Variants in ADGRB1 observed in about 807,000 individuals in gnomAD.
The protein encoded by ADGRB1 is adhesion G protein-coupled receptor B1.
Under a neutral mutation model 175.7 loss-of-function variants are expected in ADGRB1, and 36 were observed. That is an observed-to-expected ratio of 0.20 (90% CI 0.16 to 0.27). ADGRB1 has a LOEUF of 0.27. Ranked by LOEUF, ADGRB1 falls within the 10% of genes least tolerant of loss-of-function variation. The pLI is 1.00. For synonymous variants in ADGRB1, 1,054 were observed against 979.4 expected (o/e 1.08, Z -1.42); for missense variants, 1,731 against 2,255.3 (o/e 0.77, Z 4.71).
At chr8:142,477,068 C>T (rs1161001344) in intron 4 of ADGRB1, 46 bp from the exon 5 acceptor site, 2 of 1,475,896 alleles carry the variant, frequency 1.4e-6, no homozygotes, top group African/African-American at 1.4e-5. Context: ...GGTCTGACTG[C>T]AGCCCCATGG....
chr8:142,484,973 G>A (rs920536265), intron 13 of ADGRB1, among the ~76,000 whole-genome samples: 1 of 152,208 alleles, frequency 6.6e-6, no homozygotes, highest in East Asian at 1.9e-4. Flanking sequence ...AGCCCACGGG[G>A]TGTGGACCTG....
At chr8:142,528,286 G>A (rs1844341814) in intron 24 of ADGRB1, among the ~76,000 whole-genome samples, 1 of 152,168 alleles carries the variant, frequency 6.6e-6, no homozygotes, top group South Asian at 2.1e-4. Context: ...CGGAGGCAGG[G>A]TCCACCCTCA....
At chr8:142,516,435 G>A (rs376621817) in intron 18 of ADGRB1, among the ~76,000 whole-genome samples, 29 of 144,664 alleles carry the variant, frequency 2.0e-4, no homozygotes, top group East Asian at 1.7e-3. Flanking sequence ...GCGTGTGTGC[G>A]GGCCCCAGGT....
intron 3 of ADGRB1, 28 bp from the exon 4 acceptor site, chr8:142,476,557 C>G (rs1304163479): frequency 5.8e-6 from 9 of 1,540,708 alleles, no homozygotes; most frequent in Middle Eastern, 1.9e-4. Context: ...AAGAACCGCT[C>G]CTGTGCTGAC....
intron 16 of ADGRB1, among the ~76,000 whole-genome samples, chr8:142,489,864 C>T (rs1047092257): frequency 3.3e-5 from 5 of 152,334 alleles, no homozygotes; most frequent in East Asian, 1.9e-4. Context: ...GATTTCAGCA[C>T]GGGAGCGTCC....
chr8:142,467,114 C>T (rs764966079), intron 2 of ADGRB1, among the ~76,000 whole-genome samples: 66 of 152,184 alleles, frequency 4.3e-4, no homozygotes, highest in Non-Finnish European at 8.2e-4. Context: ...ACGTGGGTGT[C>T]GGAGGGAGCG....
intron 25 of ADGRB1, among the ~76,000 whole-genome samples, chr8:142,534,345 T>C (rs114033150): frequency 0.011 from 1,644 of 152,288 alleles, 21 homozygotes; most frequent in African/African-American, 0.037. Context: ...AGGGCTGCCC[T>C]CTTGGCCTCC....
At chr8:142,500,761 G>A (rs1346161019) in intron 17 of ADGRB1, among the ~76,000 whole-genome samples, 1 of 152,150 alleles carries the variant, frequency 6.6e-6, no homozygotes, top group Non-Finnish European at 1.5e-5. Flanking sequence ...AAGGAGGGCA[G>A]AGTGGCCCTG....
Position 142,466,600 on chromosome 8 carries a change from G to A in ADGRB1, c.784+1618G>A, listed in dbSNP as rs534885180. On this transcript the variant is annotated intron_variant, in intron 2 of 30. Coordinates refer to ENST00000517894, the MANE Select transcript of ADGRB1 (RefSeq NM_001702.3). ...GCTGCGTCAGGTGCCGCCAGCGGCT[G>A]GGTGGGAGGGGCTGAGGACCAAGCC... 1.1e-4 allele frequency among the ~76,000 whole-genome samples: 17 copies of A among 152,352 alleles called. No individual in the cohort carries two copies. In the South Asian group the frequency reaches 3.5e-3, roughly 32 times the overall value.
intron 1 of ADGRB1, among the ~76,000 whole-genome samples, chr8:142,451,565 T>G (rs1554600853): frequency 6.6e-6 from 1 of 151,980 alleles, no homozygotes; most frequent in Non-Finnish European, 1.5e-5. Flanking sequence ...AGGAGCCGCT[T>G]GTCGTTTGTG....
chr8:142,543,068 T>C lies in ADGRB1; in HGVS notation c.4414-335T>C, dbSNP rs1845378020. Reference sequence around the variant, plus strand: ...GGATATGCTCCCACCATATCCTGGCTCCTGGCCTCTGGTGATGCTGCCCTG... The same window carrying C: ...GGATATGCTCCCACCATATCCTGGCCCCTGGCCTCTGGTGATGCTGCCCTG... On this transcript the variant is annotated intron_variant, in intron 28 of 30. Coordinates refer to ENST00000517894, the MANE Select transcript of ADGRB1 (RefSeq NM_001702.3). The surrounding 1 kb of genome is among the most constrained non-coding windows in gnomAD (Gnocchi z 4.4). Among the ~76,000 whole-genome samples, 1 of 152,178 alleles carries C rather than the reference T, an allele frequency of 6.6e-6. No homozygotes were observed. Among genetic ancestry groups the C allele is most frequent in the Non-Finnish European group, 1.5e-5 (1 of 68,016 alleles).
At chr8:142,517,808 G>A (rs959365170) in intron 18 of ADGRB1, among the ~76,000 whole-genome samples, 64 of 152,216 alleles carry the variant, frequency 4.2e-4, no homozygotes, top group African/African-American at 1.5e-3. Context: ...CCCGTCTGCA[G>A]TGTGGGGCTG....
chr8:142,533,965 G>A (rs532719130), intron 25 of ADGRB1, among the ~76,000 whole-genome samples: 1 of 152,302 alleles, frequency 6.6e-6, no homozygotes, highest in South Asian at 2.1e-4. Context: ...CGACCTGGGT[G>A]GCGTAGGACA....
At position 142,477,441 on chromosome 8, in the gene ADGRB1, C is replaced by T. The variant is rs2131798666; in HGVS notation, c.1279C>T (p.Arg427Cys). The change falls in exon 6 of 31, where the codon CGT (arginine) becomes TGT (cysteine). Residue 427 changes from arginine (R) to cysteine (C), a missense_variant. Arg to Cys is a radical substitution (Grantham distance 180). Transcript: ENST00000517894. ...GAGCCTCTGCTCCAGCACCTGTGGC[C>T]GTGGCTTTCGGGATCGCACGCGCAC... ...PWSLCSSTCG[R>C]GFRDRTRTCR... 6.2e-7 allele frequency: 1 copy of T among 1,612,234 alleles called. No homozygotes were observed. Among genetic ancestry groups the T allele is most frequent in the Non-Finnish European group, 8.5e-7 (1 of 1,179,804 alleles).
At position 142,512,917 on chromosome 8, in the gene ADGRB1, A is replaced by G. The variant is rs577825476; in HGVS notation, c.2817+1844A>G. Among the ~76,000 whole-genome samples the G allele has an allele frequency of 2.5e-4, 37 of 150,494 alleles. 2 individuals carry two copies. The South Asian group carries it at 6.2e-3, about 25-fold the overall frequency. ...GGGCCTTTCCAGGAGGAGACCCACT[A>G]TGTGCCCCAGTGCACGAGGGGGAGG... On this transcript the variant is annotated intron_variant, in intron 18 of 30. Transcript: ENST00000517894.
intron 25 of ADGRB1, among the ~76,000 whole-genome samples, chr8:142,534,650 C>T (rs1156552203): frequency 6.6e-6 from 1 of 152,204 alleles, no homozygotes; most frequent in Admixed American, 6.5e-5. Flanking sequence ...CAGTGCTCCA[C>T]ACTTACATCC....
At chr8:142,462,123 G>C (rs1840000985) in intron 1 of ADGRB1, among the ~76,000 whole-genome samples, 1 of 152,184 alleles carries the variant, frequency 6.6e-6, no homozygotes, top group African/African-American at 2.4e-5. Context: ...GGACATGGCA[G>C]CATCTTCCCA....
chr8:142,470,720 T>C (rs1440702959), intron 2 of ADGRB1, among the ~76,000 whole-genome samples: 4 of 152,146 alleles, frequency 2.6e-5, no homozygotes, highest in Non-Finnish European at 5.9e-5. Context: ...TCCTGGATCC[T>C]GCAGGGGTGT....
At chr8:142,451,834 TCTGCGACCCCGGC>T (rs1839368877) in intron 1 of ADGRB1, among the ~76,000 whole-genome samples, 2 of 152,100 alleles carry the variant, frequency 1.3e-5, no homozygotes, top group African/African-American at 4.8e-5. Context: ...CTTCCACTCG[TCTGCGACCCCGGC>T]TGCCGAGGAG....
Sources: gnomAD v4.1 joint callset for allele counts (sites outside exome capture counted in the v4.1 genomes callset) on GRCh38, gnomAD v4.1.1 for gene constraint, Gnocchi (gnomAD v3.1) non-coding constraint, MANE v1.5 for transcripts, NCBI Gene and HGNC (gene_info 2026-07-23, HGNC 2026-07-21) for gene names.